Variants in KCTD1 observed in about 807,000 individuals in gnomAD.
The protein encoded by KCTD1 is BTB/POZ domain-containing protein KCTD1.
Under a neutral mutation model 66.0 loss-of-function variants are expected in KCTD1, and 24 were observed. That is an observed-to-expected ratio of 0.36 (90% CI 0.26 to 0.51). KCTD1 has a LOEUF of 0.51. KCTD1 is among the 20% of genes least tolerant of loss of function. KCTD1 has a pLI of 0.95. For missense variants in KCTD1, 943 were observed against 1,205.2 expected, an observed-to-expected ratio of 0.78 and a Z score of 3.22; for synonymous variants, 511 against 517.2, an observed-to-expected ratio of 0.99 and a Z score of 0.16.
At chr18:26,470,084 T>C (rs1980969989) in intron 3 of KCTD1, among the ~76,000 whole-genome samples, 1 of 152,186 alleles carries the variant, frequency 6.6e-6, no homozygotes, top group Admixed American at 6.5e-5. Context: ...AGAGCCTAGT[T>C]TGCATGTTAG....
At position 26,548,119 on chromosome 18, in the gene KCTD1, G is replaced by T; in HGVS notation, c.418C>A (p.Leu140Met). 7.6e-7 allele frequency: 1 copy of T among 1,309,604 alleles called. No individual in the cohort carries two copies. The allele number at this position is 1,309,604 out of a possible 1,614,324, so 81.1% of individuals were successfully genotyped here. A position where few individuals can be genotyped will look rare whatever the true frequency, so the allele number is the denominator to read the frequency against. Residue 140 changes from leucine to methionine, a missense_variant, in exon 1 of 5, where the codon CTG (leucine) becomes ATG (methionine). Leu to Met is a conservative substitution (Grantham distance 15, BLOSUM62 2). Transcript: ENST00000580059. The part of the protein sequence containing the change: ...ALEPEAPPRL[L>M]APRARGGPPG... Reference sequence around the variant, plus strand: ...GGCCCACCGCGGGCCCGGGGCGCCAGCAGTCGCGGCGGCGCCTCGGGCTCC... The same window carrying T: ...GGCCCACCGCGGGCCCGGGGCGCCATCAGTCGCGGCGGCGCCTCGGGCTCC...
At chr18:26,627,520 C>G (rs936742201) in intron 1 of KCTD1, among the ~76,000 whole-genome samples, 1 of 152,148 alleles carries the variant, frequency 6.6e-6, no homozygotes, top group African/African-American at 2.4e-5. Context: ...TTCAATTGTG[C>G]AACTAATTAT....
At chr18:26,645,504 G>T (rs975439731) in intron 1 of KCTD1, among the ~76,000 whole-genome samples, 1 of 152,180 alleles carries the variant, frequency 6.6e-6, no homozygotes, top group South Asian at 2.1e-4. Flanking sequence ...TTGGGCTCAA[G>T]CAATCCTCCT....
At chr18:26,598,842 A>G (rs969836892) in intron 1 of KCTD1, among the ~76,000 whole-genome samples, 1 of 152,172 alleles carries the variant, frequency 6.6e-6, no homozygotes, top group Non-Finnish European at 1.5e-5. Flanking sequence ...AAATAGGTTT[A>G]TTTGTTTTTT....
At chr18:26,492,304 T>G (rs149002307) in intron 2 of KCTD1, among the ~76,000 whole-genome samples, 4 of 151,910 alleles carry the variant, frequency 2.6e-5, no homozygotes, top group Non-Finnish European at 4.4e-5. Flanking sequence ...TGTTGTTGAG[T>G]CCCAGTTGAT....
chr18:26,532,455 G>A (rs1567983049), intron 1 of KCTD1, among the ~76,000 whole-genome samples: 1 of 151,478 alleles, frequency 6.6e-6, no homozygotes, highest in Non-Finnish European at 1.5e-5. Context: ...GTAGAGATGG[G>A]GTCTCATTAT....
chr18:26,573,502 C>A (rs7243826), intron 1 of KCTD1, among the ~76,000 whole-genome samples: 61,066 of 152,102 alleles, frequency 0.4, 13,189 homozygotes, highest in Non-Finnish European at 0.49. Context: ...TGAATTAATA[C>A]GAACAATAAA....
intron 1 of KCTD1, among the ~76,000 whole-genome samples, chr18:26,542,615 A>G (rs55803000): frequency 0.027 from 4,184 of 152,232 alleles, 201 homozygotes; most frequent in African/African-American, 0.095. Context: ...GGTCTCACAT[A>G]TAACTAGTGG....
chr18:26,501,119 G>C lies in KCTD1; in HGVS notation c.1941C>G (p.His647Gln). Residue 647 changes from histidine (H) to glutamine (Q), a missense_variant, in exon 2 of 5, where the codon CAC (histidine) becomes CAG (glutamine). Coordinates refer to ENST00000580059, the MANE Select transcript of KCTD1 (RefSeq NM_001142730.3). ...NAPVHIDVGG[H>Q]MYTSSLATLT... is the part of the protein sequence containing the mutation. ...GGGTGGCCAGGCTGCTGGTGTACAT[G>C]TGGCCGCCCACATCAATGTGGACAG... 1 of 1,614,204 alleles carries C rather than the reference G, an allele frequency of 6.2e-7. No homozygotes were observed. The highest frequency in any genetic ancestry group is 8.5e-7 in the Non-Finnish European group (1 of 1,180,030).
At chr18:26,651,799 A>AAAAAG (rs764181233) in intron 1 of KCTD1, among the ~76,000 whole-genome samples, 45 of 117,140 alleles carry the variant, frequency 3.8e-4, no homozygotes, top group African/African-American at 9.6e-4. Flanking sequence ...AAAAAAAAAA[A>AAAAAG]AAGAAGAAGA....
intron 1 of KCTD1, among the ~76,000 whole-genome samples, chr18:26,656,764 C>T (rs377147876): frequency 6.6e-6 from 1 of 151,182 alleles, no homozygotes; most frequent in Non-Finnish European, 1.5e-5. Flanking sequence ...GCCGCCGCCC[C>T]CTGCGCGCCC....
At chr18:26,483,672 T>C (rs1258376276) in intron 2 of KCTD1, among the ~76,000 whole-genome samples, 1 of 152,206 alleles carries the variant, frequency 6.6e-6, no homozygotes, top group Non-Finnish European at 1.5e-5. Context: ...TTTCCTAATA[T>C]CTGAAACCTA....
chr18:26,492,097 C>T (rs1474209788), intron 2 of KCTD1, among the ~76,000 whole-genome samples: 1 of 152,062 alleles, frequency 6.6e-6, no homozygotes, highest in Non-Finnish European at 1.5e-5. Context: ...AAAAAATTAG[C>T]CAGGTGTGGT....
At chr18:26,657,114 T>TCCGCC (rs1988171915) in intron 1 of KCTD1, among the ~76,000 whole-genome samples, 3 of 151,146 alleles carry the variant, frequency 2.0e-5, no homozygotes, top group Non-Finnish European at 4.4e-5. Flanking sequence ...TCCGCCCTGC[T>TCCGCC]CTCGCCAGCT....
intron 1 of KCTD1, among the ~76,000 whole-genome samples, chr18:26,634,358 T>G (rs145147326): frequency 6.6e-6 from 1 of 152,152 alleles, no homozygotes; most frequent in Admixed American, 6.6e-5. Context: ...TATGATATAA[T>G]CCATTTTGTG....
intron 1 of KCTD1, among the ~76,000 whole-genome samples, chr18:26,573,187 A>T (rs1362495989): frequency 2.0e-5 from 3 of 152,172 alleles, no homozygotes; most frequent in Admixed American, 6.5e-5. Context: ...AAATCACTAT[A>T]TAGTGAGGTA....
At chr18:26,539,090 G>T (rs1217105667) in intron 1 of KCTD1, among the ~76,000 whole-genome samples, 1 of 152,128 alleles carries the variant, frequency 6.6e-6, no homozygotes, top group Non-Finnish European at 1.5e-5. Context: ...CTCTTTATTG[G>T]ATTCTTTTAT....
chr18:26,456,094 A>T, intron 4 of KCTD1, 193 bp from the exon 5 acceptor site: 1 of 561,066 alleles, frequency 1.8e-6, no homozygotes, highest in South Asian at 2.6e-5. Context: ...CTAATGCCTA[A>T]AATGTGCCTT....
At chr18:26,462,620 CA>C (rs894287927) in intron 3 of KCTD1, among the ~76,000 whole-genome samples, 5 of 152,208 alleles carry the variant, frequency 3.3e-5, no homozygotes, top group Non-Finnish European at 7.3e-5. Flanking sequence ...GTGAAGTGCA[CA>C]TTGGCCATTC....
Sources: gnomAD v4.1 joint callset for allele counts (sites outside exome capture counted in the v4.1 genomes callset) on GRCh38, gnomAD v4.1.1 for gene constraint, MANE v1.5 for transcripts, NCBI Gene and HGNC (gene_info 2026-07-23, HGNC 2026-07-21) for gene names.